The following DPP3 variants were observed in gnomAD, a reference collection of about 807,000 sequenced individuals.
DPP3 encodes DPP III.
Under a neutral mutation model 89.8 loss-of-function variants are expected in DPP3, and 64 were observed. The observed-to-expected ratio is 0.71, with a 90% confidence interval of 0.58 to 0.88. The LOEUF is 0.88. Among genes scored for constraint, DPP3 ranks in the 40% least tolerant of loss-of-function variants. The pLI, the probability that DPP3 is intolerant of heterozygous loss-of-function variation, is 0.00. For missense variants in DPP3, 835 were observed against 972.5 expected, an observed-to-expected ratio of 0.86 and a Z score of 1.88; for synonymous variants, 377 against 404.3, an observed-to-expected ratio of 0.93 and a Z score of 0.81.
intron 15 of DPP3, 119 bp downstream of exon 15, chr11:66,495,869 C>T: frequency 6.8e-7 from 1 of 1,470,194 alleles, no homozygotes; most frequent in African/African-American, 1.4e-5. Context: ...TAATGCTAGA[C>T]TCCACTGTTT....
In DPP3 at chr11:66,482,305, C is replaced by T; in HGVS notation, c.105C>T (p.Tyr35=). The T allele has an allele frequency of 6.2e-7, 1 of 1,614,058 alleles. No homozygotes were observed. The highest frequency in any genetic ancestry group is 2.2e-5 in the East Asian group (1 of 44,880). The part of the protein sequence containing the change: ...LLSPTERLYA[Y]HLSRAAWYGG... Reference sequence around the variant, plus strand: ...CACCCACAGAGCGCCTCTATGCCTACCACCTGTCCCGTGCCGCCTGGTACG... The same window carrying T: ...CACCCACAGAGCGCCTCTATGCCTATCACCTGTCCCGTGCCGCCTGGTACG... Residue 35 remains tyrosine (Y), a synonymous_variant, in exon 2 of 18, where the codon TAC becomes TAT. Coordinates refer to ENST00000531863, the MANE Select transcript of DPP3 (RefSeq NM_130443.4).
In DPP3 at chr11:66,491,641, AC is replaced by A; in HGVS notation, c.929+21del. 6.2e-7 allele frequency: 1 copy of A among 1,609,420 alleles called. No homozygotes were observed. Among genetic ancestry groups the A allele is most frequent in the Non-Finnish European group, 8.5e-7 (1 of 1,176,806 alleles). On this transcript the variant is annotated intron_variant, in intron 8 of 17. Coordinates refer to ENST00000531863, the MANE Select transcript of DPP3 (RefSeq NM_130443.4). ...CGTGGAGAGGTGAGGCGCCAGCTCCACCCCACCTGCCCCCTCCTGCCTGCCC... is the reference window on the plus strand; with the variant it reads ...CGTGGAGAGGTGAGGCGCCAGCTCCACCCACCTGCCCCCTCCTGCCTGCCC...
At chr11:66,492,496 G>A (rs906083839) in intron 9 of DPP3, 7 of 501,874 alleles carry the variant, frequency 1.4e-5, no homozygotes, top group South Asian at 7.1e-5. Context: ...AGGGGCAGGC[G>A]GCCCAGGGGC....
chr11:66,495,881 G>A (rs1339153256), intron 15 of DPP3, 131 bp downstream of exon 15: 5 of 1,429,874 alleles, frequency 3.5e-6, no homozygotes, highest in Non-Finnish European at 4.7e-6. Flanking sequence ...CCACTGTTTG[G>A]GAGGCAAGTC....
At chr11:66,486,198 C>T (rs377005395) in intron 3 of DPP3, among the ~76,000 whole-genome samples, 15 of 152,276 alleles carry the variant, frequency 9.9e-5, no homozygotes, top group African/African-American at 3.6e-4. Flanking sequence ...ATGCTTTGGC[C>T]TCCCCAAATG....
intron 3 of DPP3, 66 bp downstream of exon 3, chr11:66,485,328 G>C: frequency 6.7e-7 from 1 of 1,490,588 alleles, no homozygotes; most frequent in Non-Finnish European, 9.2e-7. Context: ...GGAAAATGCA[G>C]TAGAAGGAGC....
chr11:66,504,630 G>C lies in DPP3; in HGVS notation c.1897G>C (p.Asp633His). The change falls in exon 17 of 18, where the codon GAT (aspartate) becomes CAT (histidine). Residue 633 changes from aspartate (D) to histidine (H), a missense_variant. Physicochemically the swap from Asp to His is moderately conservative, Grantham distance 81. Transcript: ENST00000531863. ...RRLQVLKSTG[D>H]VAGGRALYEG... ...CTCACAGGTGCTGAAGTCCACAGGG[G>C]ATGTGGCCGGAGGGCGGGCCCTGTA... 1.9e-6 allele frequency: 3 copies of C among 1,611,572 alleles called. No homozygotes were observed. Among genetic ancestry groups the C allele is most frequent in the Non-Finnish European group, 2.5e-6 (3 of 1,178,922 alleles).
At chr11:66,488,851 C>CTTTTTG (rs1855303889) in intron 6 of DPP3, among the ~76,000 whole-genome samples, 1 of 152,110 alleles carries the variant, frequency 6.6e-6, no homozygotes, top group Non-Finnish European at 1.5e-5. Flanking sequence ...CTCTCTAGGT[C>CTTTTTG]TTTTTGTTTT....
intron 16 of DPP3, among the ~76,000 whole-genome samples, chr11:66,502,555 C>T (rs1431844556): frequency 3.3e-5 from 5 of 151,558 alleles, no homozygotes; most frequent in Non-Finnish European, 7.4e-5. Context: ...CTGCAAGCTC[C>T]GCCTCCCAGG....
Position 66,486,599 on chromosome 11 carries a change from CAG to C in DPP3, c.421_422del (p.Arg141GlyfsTer88), listed in dbSNP as rs1162068334. On this transcript the variant is annotated frameshift_variant, in exon 4 of 18. Transcript: ENST00000531863. LOFTEE classifies it high-confidence loss of function. ...CTGCTCAGCAGCACCCAGAAGAAGTCAGGGGCCTCTGGCAGACCTGCGGGGAG... is the reference window on the plus strand; with the variant it reads ...CTGCTCAGCAGCACCCAGAAGAAGTCGGGCCTCTGGCAGACCTGCGGGGAG... ...EAAQQHPEEV[R>X]GLWQTCGELM... is the part of the protein sequence containing the mutation. 1 of 1,585,272 alleles carries C rather than the reference CAG, an allele frequency of 6.3e-7. No individual in the cohort carries two copies. The highest frequency in any genetic ancestry group is 1.8e-5 in the Admixed American group (1 of 56,848).
chr11:66,503,413 C>T (rs1426898668), intron 16 of DPP3, among the ~76,000 whole-genome samples: 1 of 152,228 alleles, frequency 6.6e-6, no homozygotes, highest in Non-Finnish European at 1.5e-5. Flanking sequence ...TCATTCAGCA[C>T]AGTAACACTA....
intron 9 of DPP3, 39 bp downstream of exon 9, chr11:66,491,795 C>T: frequency 6.2e-7 from 1 of 1,607,800 alleles, no homozygotes; most frequent in Non-Finnish European, 8.5e-7. Flanking sequence ...CAGTCCCTTC[C>T]CCCACATCCA....
chr11:66,497,206 C>G (rs1171897747), intron 15 of DPP3, 92 bp from the exon 16 acceptor site: 33 of 1,490,350 alleles, frequency 2.2e-5, no homozygotes, highest in Non-Finnish European at 3.0e-5. Flanking sequence ...GACCAAGGAC[C>G]AAGCCTGGGA....
intron 9 of DPP3, 70 bp from the exon 10 acceptor site, chr11:66,492,646 G>T: frequency 6.6e-7 from 1 of 1,506,960 alleles, no homozygotes; most frequent in South Asian, 1.3e-5. Flanking sequence ...CATGCGTGAT[G>T]GCTGGAGTAG....
chr11:66,488,980 C>T (rs1262832235), intron 6 of DPP3, among the ~76,000 whole-genome samples: 2 of 152,196 alleles, frequency 1.3e-5, no homozygotes, highest in Non-Finnish European at 2.9e-5. Context: ...ATTCTCCTGC[C>T]TCAGCCTCCC....
Position 66,495,700 on chromosome 11 carries a change from G to A in DPP3, c.1648G>A (p.Gly550Arg), listed in dbSNP as rs761741909. 20 of 1,613,706 alleles carry A rather than the reference G, an allele frequency of 1.2e-5. No homozygotes were observed. The highest frequency in any genetic ancestry group is 4.0e-5 in the African/African-American group (3 of 74,898). Residue 550 changes from glycine (G) to arginine (R), a missense_variant, in exon 15 of 18, where the codon GGG becomes AGG. Gly to Arg is a moderately radical substitution (Grantham distance 125). Coordinates refer to ENST00000531863, the MANE Select transcript of DPP3 (RefSeq NM_130443.4). ...GAACTGGCTCAACATGGTTCGGGCC[G>A]GGCTGCTCGCTCTGGAGTTCTACAC... ...YVNWLNMVRA[G>R]LLALEFYTPE... is the part of the protein sequence containing the mutation.
In DPP3 at chr11:66,504,571, G is replaced by A. The variant is rs764678051; in HGVS notation, c.1879-41G>A. On this transcript the variant is annotated intron_variant, in intron 16 of 17. Transcript: ENST00000531863. The stretch of plus-strand genomic sequence containing the variant: ...TATGGCAGAGCCCTGTGGACACCGG[G>A]TAACTGCCCATCCTAGACATTTACT... The A allele has an allele frequency of 3.2e-6, 5 of 1,565,220 alleles. No homozygotes were observed. In the South Asian group the frequency reaches 6.0e-5, roughly 19 times the overall value.
At chr11:66,480,627 A>C (rs1855047324) in intron 1 of DPP3, 162 bp downstream of exon 1, 1 of 793,370 alleles carries the variant, frequency 1.3e-6, no homozygotes, top group Admixed American at 4.2e-5. Flanking sequence ...GGGAGCAAAG[A>C]GTTAACAGCC....
intron 15 of DPP3, 91 bp downstream of exon 15, chr11:66,495,841 A>C (rs1308337016): frequency 6.6e-7 from 1 of 1,526,270 alleles, no homozygotes; most frequent in Non-Finnish European, 8.8e-7. Flanking sequence ...TGTACCTTTA[A>C]GGCAGATGAA....
Sources: allele counts gnomAD v4.1 joint callset (sites outside exome capture counted in the v4.1 genomes callset), GRCh38; gene constraint gnomAD v4.1.1; transcripts MANE v1.5; gene names NCBI Gene and HGNC (gene_info 2026-07-23, HGNC 2026-07-21).